Variants in MICAL1 observed in about 807,000 individuals in gnomAD.
The protein encoded by MICAL1 is microtubule associated monooxygenase, calponin and LIM domain containing 1.
In MICAL1, 95 loss-of-function variants were observed where a neutral mutation model predicts 131.8. That is an observed-to-expected ratio of 0.72 (90% CI 0.61 to 0.86). The LOEUF (loss-of-function observed/expected upper bound fraction) is 0.86, where lower values mean the gene tolerates loss of function less well. MICAL1 is among the 40% of genes least tolerant of loss of function. The pLI is 0.00. For synonymous variants in MICAL1, 546 were observed against 554.2 expected, an observed-to-expected ratio of 0.99 and a Z score of 0.21; for missense variants, 1,292 against 1,380.6, an observed-to-expected ratio of 0.94 and a Z score of 1.02.
chr6:109,448,118 C>CACACACACACACACACACACACACT (rs2115329509), intron 13 of MICAL1, 85 bp downstream of exon 13: 1 of 1,214,840 alleles, frequency 8.2e-7, no homozygotes, highest in East Asian at 2.6e-5. Context: ...ACACACACAC[C>CACACACACACACACACACACACACT]GCCTTCTCCC....
chr6:109,458,551 G>A (rs115099294), upstream of MICAL1, among the ~76,000 whole-genome samples: 7,139 of 152,154 alleles, frequency 0.047, 195 homozygotes, highest in South Asian at 0.09. Context: ...AGCTGAGATC[G>A]TTCCATTGCA....
intron 1 of MICAL1, chr6:109,463,774 A>G (rs556427366): frequency 6.6e-6 from 1 of 152,198 alleles, no homozygotes. Flanking sequence ...ATATATTTTT[A>G]TATGTTGAAA....
chr6:109,444,599 C>T, intron 24 of MICAL1, 126 bp downstream of exon 24: 10 of 1,234,602 alleles, frequency 8.1e-6, no homozygotes, highest in Non-Finnish European at 1.2e-5. Context: ...CCTCCTCTGG[C>T]TTCCTCCTGA....
intron 7 of MICAL1, among the ~76,000 whole-genome samples, chr6:109,451,066 T>C (rs538814516): frequency 6.6e-6 from 1 of 151,884 alleles, no homozygotes; most frequent in African/African-American, 2.4e-5. Flanking sequence ...CCTGCCCTCA[T>C]GGAGCTGACA....
chr6:109,447,332 C>T (rs774027672), intron 16 of MICAL1, 25 bp downstream of exon 16: 3 of 1,613,706 alleles, frequency 1.9e-6, no homozygotes, highest in East Asian at 2.2e-5. Context: ...CGGGCCTCTG[C>T]CTGCACACAA....
In MICAL1 at chr6:109,454,029, G is replaced by T; in HGVS notation, c.168C>A (p.Asn56Lys). 1 of 1,614,176 alleles carries T rather than the reference G, an allele frequency of 6.2e-7. No homozygotes were observed. Among genetic ancestry groups the T allele is most frequent in the Non-Finnish European group, 8.5e-7 (1 of 1,180,040 alleles). The change falls in exon 2 of 25, where the codon AAC (asparagine) becomes AAA (lysine). Residue 56 changes from asparagine (N) to lysine (K), a missense_variant. Asn to Lys is a moderately conservative substitution (Grantham distance 94). Coordinates refer to ENST00000358807, the MANE Select transcript of MICAL1 (RefSeq NM_022765.4). ...TCCACAGTGACTTGGCGCTCCAGTA[G>T]TTGAGCTGGTCCTTGATCTTGTGGT... The part of the protein sequence containing the change: ...PQYHKIKDQL[N>K]YWSAKSLWTK...
At chr6:109,456,794 T>A (rs1351235826), upstream of MICAL1, among the ~76,000 whole-genome samples, 3 of 152,170 alleles carry the variant, frequency 2.0e-5, no homozygotes, top group African/African-American at 4.8e-5. Flanking sequence ...CTTGCAACAG[T>A]CCCATTTTAC....
At chr6:109,451,485 G>C (rs1264555413) in intron 7 of MICAL1, 115 bp downstream of exon 7, 1 of 1,263,670 alleles carries the variant, frequency 7.9e-7, no homozygotes, top group Non-Finnish European at 1.1e-6. Flanking sequence ...GTTAATGCCA[G>C]GACAAAGGCA....
upstream of MICAL1, among the ~76,000 whole-genome samples, chr6:109,459,732 T>C (rs1775841156): frequency 6.6e-6 from 1 of 152,212 alleles, no homozygotes; most frequent in Admixed American, 6.5e-5. Flanking sequence ...TACTTGCCCA[T>C]ATTTTTGTAA....
intron 3 of MICAL1, 126 bp downstream of exon 3, chr6:109,453,512 T>C: frequency 6.7e-7 from 1 of 1,496,436 alleles, no homozygotes; most frequent in Non-Finnish European, 8.9e-7. Context: ...GGGACCTGAA[T>C]CTTCAAGGTC....
In MICAL1 at chr6:109,450,027, G is replaced by T. The variant is rs895646073; in HGVS notation, c.1250C>A (p.Ala417Asp). The change falls in exon 9 of 25, where the codon GCC becomes GAC. Residue 417 changes from alanine (A) to aspartate (D), a missense_variant. Ala to Asp is a moderately radical substitution (Grantham distance 126). Transcript: ENST00000358807. ...CTCTGCCCACCGCTTCACCATCCAG[G>T]CTGCATCAAAGGCTGCCAGGAAGCC... ...ARGFLAAFDA[A>D]WMVKRWAEGA... The T allele has an allele frequency of 1.9e-6, 3 of 1,613,978 alleles. No homozygotes were observed. In the African/African-American group the frequency reaches 4.0e-5, roughly 22 times the overall value.
Position 109,452,272 on chromosome 6 carries a change from A to C in MICAL1, c.806T>G (p.Phe269Cys), listed in dbSNP as rs1259406571. The change falls in exon 6 of 25, where the codon TTC becomes TGC. Residue 269 changes from phenylalanine (F) to cysteine (C), a missense_variant. By Grantham distance (205) the Phe-to-Cys change is radical. Transcript: ENST00000358807. ...SGVARIYNQS[F>C]FQSLLKATGI... ...TGTGGCTTTGAGAAGGCTCTGGAAG[A>C]AGCTCTGGTTGTAGATCCTGGCTAC... 7 of 1,613,782 alleles carry C rather than the reference A, an allele frequency of 4.3e-6. No homozygotes were observed. Among genetic ancestry groups the C allele is most frequent in the African/African-American group, 1.3e-5 (1 of 74,902 alleles).
intron 19 of MICAL1, 77 bp from the exon 20 acceptor site, chr6:109,445,939 G>A: frequency 6.5e-7 from 1 of 1,545,306 alleles, no homozygotes; most frequent in South Asian, 1.2e-5. Flanking sequence ...GGTGGTGACG[G>A]AGGCCCTGCA....
At position 109,451,619 on chromosome 6, in the gene MICAL1, C is replaced by T. The variant is rs140293205; in HGVS notation, c.914G>A (p.Arg305Gln). 1.3e-4 allele frequency: 215 copies of T among 1,614,042 alleles called. No homozygotes were observed. In the African/African-American group the frequency reaches 2.0e-3, roughly 15 times the overall value. The stretch of plus-strand genomic sequence containing the variant: ...CCTCACCTGGCGCAGCACCCCCAGC[C>T]GCAGCAGGCACTGCTTCTTGGCTGT... The part of the protein sequence containing the change: ...VMTAKKQCLL[R>Q]LGVLRQDWPD... Residue 305 changes from arginine (R) to glutamine (Q), a missense_variant, in exon 7 of 25, where the codon CGG (arginine) becomes CAG (glutamine). Coordinates refer to ENST00000358807, the MANE Select transcript of MICAL1 (RefSeq NM_022765.4).
upstream of MICAL1, among the ~76,000 whole-genome samples, chr6:109,460,291 A>G (rs1275729833): frequency 6.6e-6 from 1 of 151,428 alleles, no homozygotes; most frequent in Non-Finnish European, 1.5e-5. Flanking sequence ...CTTGTCTCTA[A>G]AAAAAAATCT....
At position 109,447,144 on chromosome 6, in the gene MICAL1, C is replaced by T. The variant is rs375968194; in HGVS notation, c.2156G>A (p.Arg719Gln). Residue 719 changes from arginine to glutamine, a missense_variant, in exon 17 of 25, where the codon CGG becomes CAG. Arg to Gln is a conservative substitution (Grantham distance 43, BLOSUM62 1). Coordinates refer to ENST00000358807, the MANE Select transcript of MICAL1 (RefSeq NM_022765.4). ...RLCVNGHFFH[R>Q]SCFRCHTCEA... ...ACAGGTATGGCAGCGGAAGCAGCTC[C>T]GGTGGAAGAAATGGCCGTTGACACA... is the stretch of plus-strand genomic sequence containing the variant. 61 of 1,614,054 alleles carry T rather than the reference C, an allele frequency of 3.8e-5. No homozygotes were observed. Among genetic ancestry groups the T allele is most frequent in the Admixed American group, 1.8e-4 (11 of 60,006 alleles).
At chr6:109,459,172 T>C (rs903309646), upstream of MICAL1, among the ~76,000 whole-genome samples, 24 of 152,134 alleles carry the variant, frequency 1.6e-4, no homozygotes, top group African/African-American at 5.6e-4. Flanking sequence ...ATGGAAACTC[T>C]GTAGAAGGAT....
In MICAL1 at chr6:109,445,459, C is replaced by T. The variant is rs141002248; in HGVS notation, c.2744G>A (p.Arg915His). 6.6e-5 allele frequency: 107 copies of T among 1,613,980 alleles called. No homozygotes were observed. The highest frequency in any genetic ancestry group is 8.9e-5 in the East Asian group (4 of 44,892). ...CTTCATCTCCTCCTCCTTCGCACGG[C>T]GCAGCAGAGTCCGACGCCATGTTGG... Reference protein sequence around the residue: ...NYPTWRRTLLRRAKEEEMKRF... With the variant: ...NYPTWRRTLLHRAKEEEMKRF... The change falls in exon 21 of 25, where the codon CGC (arginine) becomes CAC (histidine). Residue 915 changes from arginine to histidine, a missense_variant. Transcript: ENST00000358807.
upstream of MICAL1, among the ~76,000 whole-genome samples, chr6:109,458,582 G>A (rs977529569): frequency 1.3e-5 from 2 of 152,008 alleles, no homozygotes; most frequent in African/African-American, 4.8e-5. Context: ...GGCAACGAGG[G>A]TGAAACTCCG....
Sources: gnomAD v4.1 joint callset for allele counts (sites outside exome capture counted in the v4.1 genomes callset) on GRCh38, gnomAD v4.1.1 for gene constraint, MANE v1.5 for transcripts, NCBI Gene and HGNC (gene_info 2026-07-23, HGNC 2026-07-21) for gene names.